STAU2: variants seen among roughly 807,000 people sequenced by gnomAD.
The protein encoded by STAU2 is staufen double-stranded RNA binding protein 2, also known as double-stranded RNA-binding protein Staufen homolog 2.
A neutral mutation model predicts 65.9 loss-of-function variants in STAU2; 20 were observed. The observed-to-expected ratio is 0.30, with a 90% CI of 0.21 to 0.44. STAU2 has a LOEUF of 0.44. STAU2 is among the 20% of genes least tolerant of loss of function. The pLI is 1.00. For synonymous variants in STAU2, 232 were observed against 233.9 expected, an observed-to-expected ratio of 0.99 and a Z score of 0.07; for missense variants, 558 against 683.9, an observed-to-expected ratio of 0.82 and a Z score of 2.05.
intron 13 of STAU2, among the ~76,000 whole-genome samples, chr8:73,434,008 CTG>C (rs1252180554): frequency 6.6e-6 from 1 of 151,800 alleles, no homozygotes; most frequent in Non-Finnish European, 1.5e-5. Context: ...AAAAGGGACT[CTG>C]TGCATGAGAT....
intron 3 of STAU2, among the ~76,000 whole-genome samples, chr8:73,731,666 G>A (rs1262045226): frequency 2.0e-5 from 3 of 152,114 alleles, no homozygotes; most frequent in African/African-American, 4.8e-5. Flanking sequence ...GGCCAGGCAC[G>A]GTGACTCACG....
chr8:73,428,817 A>G (rs1817035255), intron 13 of STAU2, among the ~76,000 whole-genome samples: 1 of 152,092 alleles, frequency 6.6e-6, no homozygotes, highest in Non-Finnish European at 1.5e-5. Flanking sequence ...AGAACTGCAT[A>G]TATGAGACGA....
At chr8:73,464,116 G>A (rs894016141) in intron 13 of STAU2, among the ~76,000 whole-genome samples, 5 of 152,060 alleles carry the variant, frequency 3.3e-5, no homozygotes, top group African/African-American at 7.2e-5. Flanking sequence ...AAACTTTTCC[G>A]GGATATTGCC....
At chr8:73,706,900 T>G (rs1820541894) in intron 4 of STAU2, among the ~76,000 whole-genome samples, 1 of 152,202 alleles carries the variant, frequency 6.6e-6, no homozygotes, top group African/African-American at 2.4e-5. Flanking sequence ...TCATAAACCC[T>G]TCCAAAAATT....
chr8:73,428,145 C>T (rs917951837), intron 13 of STAU2, among the ~76,000 whole-genome samples: 3 of 152,184 alleles, frequency 2.0e-5, no homozygotes, highest in African/African-American at 4.8e-5. Context: ...TACCCCCAGC[C>T]TCTGTACCCA....
chr8:73,543,777 A>C (rs1806710836), intron 13 of STAU2, among the ~76,000 whole-genome samples: 1 of 152,210 alleles, frequency 6.6e-6, no homozygotes, highest in Middle Eastern at 3.4e-3. Flanking sequence ...TGAATCCCTT[A>C]CATGTTAGTA....
At chr8:73,709,744 C>T (rs966100922) in intron 3 of STAU2, among the ~76,000 whole-genome samples, 5 of 151,704 alleles carry the variant, frequency 3.3e-5, no homozygotes, top group African/African-American at 1.2e-4. Flanking sequence ...GCCCATGTAC[C>T]TAACACCCAG....
chr8:73,688,580 C>G, intron 5 of STAU2, 74 bp downstream of exon 5: 1 of 1,522,662 alleles, frequency 6.6e-7, no homozygotes, highest in Middle Eastern at 1.7e-4. Flanking sequence ...CTGTTACTAG[C>G]CTACTATAAA....
At chr8:73,450,480 A>G (rs759481933) in intron 13 of STAU2, among the ~76,000 whole-genome samples, 6 of 152,100 alleles carry the variant, frequency 3.9e-5, no homozygotes, top group Admixed American at 3.9e-4. Context: ...GAAACTAAAG[A>G]CTCATTTTAC....
chr8:73,694,541 G>A lies in STAU2; in HGVS notation c.115-5728C>T, dbSNP rs56013271. The stretch of plus-strand genomic sequence containing the variant: ...GAGTAAAATTACAGAGGAGGGTAGA[G>A]CAAGATGGTGGAACAAAAGCCTATA... On this transcript the variant is annotated intron_variant, in intron 4 of 14. Transcript: ENST00000524300. 8.3e-3 allele frequency among the ~76,000 whole-genome samples: 1,268 copies of A among 152,268 alleles called. 18 individuals carry two copies. The highest frequency in any genetic ancestry group is 0.026 in the African/African-American group (1,098 of 41,552).
intron 6 of STAU2, among the ~76,000 whole-genome samples, chr8:73,669,296 A>G (rs1468424737): frequency 2.0e-5 from 3 of 152,138 alleles, no homozygotes; most frequent in Admixed American, 2.0e-4. Context: ...AGACACTCCA[A>G]AAAAGGAAAA....
chr8:73,662,173 G>T (rs953059293), intron 6 of STAU2, among the ~76,000 whole-genome samples: 1 of 152,040 alleles, frequency 6.6e-6, no homozygotes, highest in Admixed American at 6.5e-5. Context: ...CTTTTCATGT[G>T]TTTATTAGCC....
chr8:73,512,640 G>T (rs1400138798), intron 13 of STAU2, among the ~76,000 whole-genome samples: 1 of 151,352 alleles, frequency 6.6e-6, no homozygotes, highest in African/African-American at 2.4e-5. Flanking sequence ...GTTCTAATAG[G>T]GTGTGTGTGT....
intron 13 of STAU2, among the ~76,000 whole-genome samples, chr8:73,494,890 C>T (rs1450019946): frequency 2.6e-5 from 4 of 151,530 alleles, no homozygotes; most frequent in Non-Finnish European, 5.9e-5. Flanking sequence ...GATTTACATG[C>T]ATGTGGAAGG....
chr8:73,704,114 T>C (rs1170042282), intron 4 of STAU2, among the ~76,000 whole-genome samples: 3 of 152,154 alleles, frequency 2.0e-5, no homozygotes, highest in African/African-American at 7.2e-5. Flanking sequence ...AAGAGGCACA[T>C]CCTACAGCTC....
chr8:73,509,588 T>C (rs1822271495), intron 13 of STAU2, among the ~76,000 whole-genome samples: 1 of 152,200 alleles, frequency 6.6e-6, no homozygotes, highest in East Asian at 1.9e-4. Context: ...ATTGATTAGT[T>C]ATATAACTAT....
chr8:73,685,026 C>T (rs1480456991), intron 5 of STAU2, among the ~76,000 whole-genome samples: 1 of 152,112 alleles, frequency 6.6e-6, no homozygotes, highest in Non-Finnish European at 1.5e-5. Flanking sequence ...CGGTTTCCCC[C>T]TTGCTGTTCC....
At chr8:73,714,315 A>C (rs758413386) in intron 3 of STAU2, among the ~76,000 whole-genome samples, 10 of 152,230 alleles carry the variant, frequency 6.6e-5, no homozygotes, top group Admixed American at 1.3e-4. Flanking sequence ...TCAAAAGAGC[A>C]AAGGACCCTT....
intron 13 of STAU2, among the ~76,000 whole-genome samples, chr8:73,523,216 A>AAG (rs1298173154): frequency 2.0e-5 from 3 of 150,842 alleles, no homozygotes; most frequent in Non-Finnish European, 4.4e-5. Context: ...AAAAAAAAAA[A>AAG]AAAGAAAAGT....
Sources: gnomAD v4.1 joint callset for allele counts (sites outside exome capture counted in the v4.1 genomes callset) on GRCh38, gnomAD v4.1.1 for gene constraint, MANE v1.5 for transcripts, NCBI Gene and HGNC (gene_info 2026-07-23, HGNC 2026-07-21) for gene names.